UPP2: variants seen among roughly 807,000 people sequenced by gnomAD.
UPP2 encodes uridine phosphorylase 2, also known as UPase 2.
Under a neutral mutation model 26.7 loss-of-function variants are expected in UPP2, and 23 were observed. That is an observed-to-expected ratio of 0.86 (90% CI 0.62 to 1.22). UPP2 has a LOEUF of 1.22. UPP2 is among the 50% of genes most tolerant of loss of function. The probability of loss-of-function intolerance (pLI) is 0.00; values close to 1 mark genes in which losing one functional copy is unlikely to be tolerated. For synonymous variants in UPP2, 127 were observed against 141.3 expected (o/e 0.90, Z 0.72); for missense variants, 387 against 396.7 (o/e 0.98, Z 0.21).
intron 3 of UPP2, among the ~76,000 whole-genome samples, chr2:158,037,593 T>A (rs1228504610): frequency 6.6e-6 from 1 of 152,088 alleles, no homozygotes; most frequent in Non-Finnish European, 1.5e-5. Context: ...CTTCTGGTCA[T>A]GGCCAGCAGT....
intron 3 of UPP2, among the ~76,000 whole-genome samples, chr2:158,018,886 T>G (rs998128773): frequency 6.6e-6 from 1 of 152,066 alleles, no homozygotes; most frequent in African/African-American, 2.4e-5. Context: ...GCCAAGAAAC[T>G]AAAGGAGGTG....
intron 3 of UPP2, among the ~76,000 whole-genome samples, chr2:158,083,323 T>A (rs1211032812): frequency 1.3e-5 from 2 of 152,110 alleles, no homozygotes; most frequent in African/African-American, 4.8e-5. Context: ...CCATCAATGA[T>A]AGACTGGATA....
chr2:158,057,009 G>A (rs1682256044), intron 3 of UPP2, among the ~76,000 whole-genome samples: 1 of 152,082 alleles, frequency 6.6e-6, no homozygotes, highest in Non-Finnish European at 1.5e-5. Flanking sequence ...TAGGTGTTTT[G>A]TAAGATGTCC....
intron 3 of UPP2, among the ~76,000 whole-genome samples, chr2:158,058,556 TG>T: frequency 6.6e-6 from 1 of 152,182 alleles, no homozygotes; most frequent in African/African-American, 2.4e-5. Context: ...GACATTACCT[TG>T]ATCTTGGACT....
chr2:158,130,441 A>G (rs1357760242), intron 6 of UPP2, among the ~76,000 whole-genome samples: 1 of 113,032 alleles, frequency 8.8e-6, no homozygotes, highest in Non-Finnish European at 1.8e-5. Context: ...ACAGAGCAAG[A>G]ATCCGTCTCA....
At chr2:158,059,394 C>T (rs1682314267) in intron 3 of UPP2, among the ~76,000 whole-genome samples, 1 of 152,204 alleles carries the variant, frequency 6.6e-6, no homozygotes, top group African/African-American at 2.4e-5. Context: ...GCTAGGATGA[C>T]TGGTTGCACA....
In UPP2 at chr2:158,104,648, A is replaced by G. The variant is rs557202980; in HGVS notation, c.63-1451A>G. Among the ~76,000 whole-genome samples the G allele has an allele frequency of 2.0e-4, 30 of 152,242 alleles. 1 individual carries two copies. Among genetic ancestry groups the G allele is most frequent in the Admixed American group, 1.4e-3 (21 of 15,286 alleles). Reference sequence around the variant, plus strand: ...TGAAAGCCATGTGGAAAGGCTAGGCATGATGGCTCACACCTGTAATCCCAG... The same window carrying G: ...TGAAAGCCATGTGGAAAGGCTAGGCGTGATGGCTCACACCTGTAATCCCAG... On this transcript the variant is annotated intron_variant, in intron 1 of 6. Transcript: ENST00000005756.
intron 3 of UPP2, among the ~76,000 whole-genome samples, chr2:158,029,512 A>G (rs1301937316): frequency 6.6e-6 from 1 of 152,210 alleles, no homozygotes; most frequent in Non-Finnish European, 1.5e-5. Flanking sequence ...TGCCTTGACA[A>G]GGCTACAGAT....
At chr2:158,095,380 A>G (rs1022758941) in intron 3 of UPP2, among the ~76,000 whole-genome samples, 3 of 152,198 alleles carry the variant, frequency 2.0e-5, no homozygotes, top group African/African-American at 7.2e-5. Flanking sequence ...CCTGATGACT[A>G]GCAGGGTAAA....
At chr2:158,044,335 C>G (rs1341109644) in intron 3 of UPP2, among the ~76,000 whole-genome samples, 1 of 151,932 alleles carries the variant, frequency 6.6e-6, no homozygotes, top group Non-Finnish European at 1.5e-5. Context: ...GGGCAGAACC[C>G]GAGAACTGCA....
intron 3 of UPP2, among the ~76,000 whole-genome samples, chr2:158,084,449 G>T (rs989013228): frequency 3.3e-5 from 5 of 151,962 alleles, no homozygotes; most frequent in Admixed American, 6.6e-5. Flanking sequence ...TCTGTAGGTT[G>T]TCTGTTTGCT....
intron 2 of UPP2, among the ~76,000 whole-genome samples, chr2:158,008,985 C>G (rs540115684): frequency 6.6e-6 from 1 of 152,194 alleles, no homozygotes; most frequent in African/African-American, 2.4e-5. Context: ...TTTCTCCCCT[C>G]TTTAATAGCT....
chr2:158,126,350 G>A (rs1683694100), intron 6 of UPP2: 1 of 152,220 alleles, frequency 6.6e-6, no homozygotes. Flanking sequence ...CACTGCTGCA[G>A]CCTTTCATGG....
In UPP2 at chr2:158,022,035, G is replaced by GTT. The variant is rs577280511; in HGVS notation, c.147+6161_147+6162dup. The stretch of plus-strand genomic sequence containing the variant: ...TGGAAGCCATACCATAAAGTCAGCA[G>GTT]TTTTTTTTTTTTTCAAATTGAGTCA... On this transcript the variant is annotated intron_variant, in intron 3 of 9. Transcript: ENST00000605860. 8.7e-3 allele frequency among the ~76,000 whole-genome samples: 1,230 copies of GTT among 142,000 alleles called. 21 individuals are homozygous for GTT. Among genetic ancestry groups the GTT allele is most frequent in the African/African-American group, 0.029 (1,152 of 39,362 alleles). 93.2% of individuals were successfully genotyped at this position (142,000 alleles called of 152,430 possible). A position where few individuals can be genotyped will look rare whatever the true frequency, so the allele number is the denominator to read the frequency against.
intron 3 of UPP2, 91 bp downstream of exon 3, chr2:158,115,350 C>G (rs1213457781): frequency 1.4e-6 from 2 of 1,426,772 alleles, no homozygotes; most frequent in Non-Finnish European, 1.9e-6. Flanking sequence ...TTCCCTCCAG[C>G]TTCGCATTCT....
intron 3 of UPP2, among the ~76,000 whole-genome samples, chr2:158,095,715 C>T (rs1682974837): frequency 6.6e-6 from 1 of 151,946 alleles, no homozygotes; most frequent in Non-Finnish European, 1.5e-5. Context: ...GATACGGAGT[C>T]GAACTGTTTA....
rs1400472826 is a variant in UPP2 at position 158,121,616 on chromosome 2, A to T, written c.662A>T (p.Glu221Val). ...ACAATGTGTACCTATGATTTTTATG[A>T]AGGTGAGAACAATTTATAAACTGTG... ...GHTMCTYDFY[E>V]GQGRLDGALC... Residue 221 changes from glutamate to valine, a missense_variant and splice_region_variant, in exon 5 of 7, where the codon GAA becomes GTA. By Grantham distance (121) the Glu-to-Val change is moderately radical. Coordinates refer to ENST00000005756, the MANE Select transcript of UPP2 (RefSeq NM_173355.4). 2 of 1,611,682 alleles carry T rather than the reference A, an allele frequency of 1.2e-6. No individual in the cohort carries two copies.
At chr2:158,123,687 T>C (rs1683625727) in intron 5 of UPP2, 62 bp from the exon 6 acceptor site, 1 of 1,578,338 alleles carries the variant, frequency 6.3e-7, no homozygotes, top group Non-Finnish European at 8.6e-7. Context: ...GCAAGCCTCC[T>C]ATGAGGCCAC....
At chr2:158,058,032 C>T (rs1299329559) in intron 3 of UPP2, among the ~76,000 whole-genome samples, 5 of 152,132 alleles carry the variant, frequency 3.3e-5, no homozygotes, top group Non-Finnish European at 7.4e-5. Flanking sequence ...GTGGCTCACT[C>T]CTGTAATCCT....
Sources: allele counts gnomAD v4.1 joint callset (sites outside exome capture counted in the v4.1 genomes callset), GRCh38; gene constraint gnomAD v4.1.1; transcripts MANE v1.5; gene names NCBI Gene and HGNC (gene_info 2026-07-23, HGNC 2026-07-21).